The following KMO variants were observed in gnomAD, a reference collection of about 807,000 sequenced individuals.
KMO encodes kynurenine 3-monooxygenase, also known as kynurenine 3-hydroxylase.
A neutral mutation model predicts 57.8 loss-of-function variants in KMO; 24 were observed. The ratio of observed to expected loss-of-function variants is 0.42; its 90% CI spans 0.30 to 0.58. The LOEUF (loss-of-function observed/expected upper bound fraction) is 0.58. KMO is among the 20% of genes least tolerant of loss of function. KMO has a pLI of 0.22. For synonymous variants in KMO, 210 were observed against 193.6 expected (o/e 1.08, Z -0.70); for missense variants, 483 against 588.2 (o/e 0.82, Z 1.85).
Position 241,550,996 on chromosome 1 carries a change from C to T in KMO, c.264C>T (p.His88=). The T allele has an allele frequency of 8.3e-6, 13 of 1,563,976 alleles. No individual in the cohort carries two copies. Among genetic ancestry groups the T allele is most frequent in the Non-Finnish European group, 1.1e-5 (13 of 1,159,640 alleles). ...TTCCCATGAGAGCAAGAATGATCCACTCTCTTTCAGGAAAAAAGTCTGCAA... is the reference window on the plus strand; with the variant it reads ...TTCCCATGAGAGCAAGAATGATCCATTCTCTTTCAGGAAAAAAGTCTGCAA... ...QGIPMRARMI[H]SLSGKKSAIP... Residue 88 remains histidine, a synonymous_variant, in exon 4 of 15, where the codon CAC becomes CAT. Transcript: ENST00000366559.
intron 10 of KMO, among the ~76,000 whole-genome samples, chr1:241,584,303 C>T (rs1662878770): frequency 6.6e-6 from 1 of 152,150 alleles, no homozygotes; most frequent in Non-Finnish European, 1.5e-5. Flanking sequence ...AATGAGATAC[C>T]ATCTCACACC....
At chr1:241,534,964 G>A (rs1048140184) in intron 1 of KMO, among the ~76,000 whole-genome samples, 1 of 143,492 alleles carries the variant, frequency 7.0e-6, no homozygotes, top group Non-Finnish European at 1.5e-5. Context: ...TACACACTTT[G>A]GGTTTTTTTT....
chr1:241,569,599 A>C (rs535066625), intron 10 of KMO, among the ~76,000 whole-genome samples: 1 of 152,136 alleles, frequency 6.6e-6, no homozygotes, highest in African/African-American at 2.4e-5. Context: ...TGCTATTGTG[A>C]ATAGTGCTGC....
Position 241,568,608 on chromosome 1 carries a change from T to C in KMO, c.918T>C (p.Ala306=), listed in dbSNP as rs1662165093. Residue 306 remains alanine (A), a synonymous_variant, in exon 10 of 15, where the codon GCT becomes GCC. Transcript: ENST00000366559. The stretch of plus-strand genomic sequence containing the variant: ...ACTGTGTACTGCTGGGAGATGCAGC[T>C]CATGCTATAGTGCCGTTTTTTGGGC... ...KSHCVLLGDA[A]HAIVPFFGQG... is the part of the protein sequence containing the mutation. 2 of 1,613,854 alleles carry C rather than the reference T, an allele frequency of 1.2e-6. No individual in the cohort carries two copies. Among genetic ancestry groups the C allele is most frequent in the South Asian group, 2.2e-5 (2 of 91,080 alleles).
intron 7 of KMO, 34 bp from the exon 8 acceptor site, chr1:241,564,953 T>C: frequency 7.4e-7 from 1 of 1,359,500 alleles, no homozygotes; most frequent in Non-Finnish European, 1.1e-6. Flanking sequence ...GCTATATGAA[T>C]GCACTAATCA....
chr1:241,566,588 C>T lies in KMO; in HGVS notation c.785C>T (p.Pro262Leu), dbSNP rs531693759. ...GTAGATTTCTTCCAGAAATACTTTC[C>T]GGATGCCATCCCTCTAATTGGAGAG... ...DVVDFFQKYF[P>L]DAIPLIGEKL... Residue 262 changes from proline (P) to leucine (L), a missense_variant, in exon 9 of 15, where the codon CCG becomes CTG. Coordinates refer to ENST00000366559, the MANE Select transcript of KMO (RefSeq NM_003679.5). 646 of 1,613,490 alleles carry T rather than the reference C, an allele frequency of 4.0e-4. 9 individuals are homozygous for T. In the South Asian group the frequency reaches 6.7e-3, roughly 17 times the overall value.
chr1:241,548,503 T>C (rs1240077141), intron 1 of KMO, among the ~76,000 whole-genome samples: 1 of 151,920 alleles, frequency 6.6e-6, no homozygotes, highest in Non-Finnish European at 1.5e-5. Flanking sequence ...TATAAGGCTA[T>C]AAAGAATTGC....
chr1:241,547,566 A>G (rs1661195029), intron 1 of KMO, among the ~76,000 whole-genome samples: 1 of 151,648 alleles, frequency 6.6e-6, no homozygotes, highest in Non-Finnish European at 1.5e-5. Context: ...CCTGGGTGAC[A>G]GAGCGAGACT....
chr1:241,545,299 A>T (rs1661102977), intron 1 of KMO, among the ~76,000 whole-genome samples: 1 of 152,170 alleles, frequency 6.6e-6, no homozygotes, highest in South Asian at 2.1e-4. Flanking sequence ...TGTTGTTGTA[A>T]GCTCTTTGTA....
intron 9 of KMO, among the ~76,000 whole-genome samples, chr1:241,567,376 C>A (rs1412687463): frequency 1.3e-5 from 2 of 152,202 alleles, no homozygotes; most frequent in African/African-American, 4.8e-5. Context: ...TGTGTCTTCA[C>A]ATGCTGGAAG....
chr1:241,546,205 G>T (rs2147945415), intron 1 of KMO, among the ~76,000 whole-genome samples: 1 of 152,222 alleles, frequency 6.6e-6, no homozygotes, highest in South Asian at 2.1e-4. Flanking sequence ...AACATAAGGG[G>T]TTTATCAGAA....
intron 7 of KMO, among the ~76,000 whole-genome samples, chr1:241,564,569 A>G (rs77541589): frequency 0.033 from 4,957 of 151,848 alleles, 123 homozygotes; most frequent in South Asian, 0.067. Context: ...AAAAATATAT[A>G]TATAAATATA....
chr1:241,592,036 A>C lies in KMO; in HGVS notation c.1344A>C (p.Arg448=). 6.2e-7 allele frequency: 1 copy of C among 1,613,900 alleles called. No individual in the cohort carries two copies. ...TACTTATACACTACATGTCACCACG[A>C]TCTTTCCTCCGCTTGAGAAGACCAT... ...TYLLIHYMSP[R]SFLRLRRPWN... The change falls in exon 15 of 15, where the codon CGA becomes CGC. Residue 448 remains arginine, a synonymous_variant. Coordinates refer to ENST00000366559, the MANE Select transcript of KMO (RefSeq NM_003679.5).
At chr1:241,571,713 A>G (rs1292061197) in intron 10 of KMO, among the ~76,000 whole-genome samples, 2 of 151,976 alleles carry the variant, frequency 1.3e-5, no homozygotes, top group East Asian at 3.9e-4. Context: ...CTTTGCATCT[A>G]TGTTTATCAG....
intron 6 of KMO, 68 bp from the exon 7 acceptor site, chr1:241,562,099 C>A: frequency 1.5e-6 from 2 of 1,376,168 alleles, no homozygotes; most frequent in Non-Finnish European, 2.0e-6. Context: ...CTTCTCATAC[C>A]CAGAGGTACA....
chr1:241,579,240 T>C (rs1396738385), intron 10 of KMO, among the ~76,000 whole-genome samples: 2 of 152,102 alleles, frequency 1.3e-5, no homozygotes, highest in East Asian at 3.9e-4. Flanking sequence ...AGCACCAGGT[T>C]TGGTGGTAGC....
intron 10 of KMO, among the ~76,000 whole-genome samples, chr1:241,584,593 GA>G (rs1179203500): frequency 6.7e-6 from 1 of 148,178 alleles, no homozygotes; most frequent in Non-Finnish European, 1.5e-5. Flanking sequence ...AAAGAATTCA[GA>G]AAAGAAATAG....
intron 9 of KMO, among the ~76,000 whole-genome samples, chr1:241,567,028 G>A (rs527887125): frequency 7.0e-4 from 107 of 152,308 alleles, no homozygotes; most frequent in African/African-American, 2.4e-3. Flanking sequence ...CCACTCGTGG[G>A]AAAAGGTTGA....
chr1:241,592,167 T>G lies in KMO; in HGVS notation c.*14T>G. The stretch of plus-strand genomic sequence containing the variant: ...ATTAGCAGGTGATAGAAAGGTTTTG[T>G]GGTAGCAAATGCATGATTTCTCTGT... On this transcript the variant is annotated 3_prime_UTR_variant, in exon 15 of 15. Transcript: ENST00000366559. 1 of 1,596,736 alleles carries G rather than the reference T, an allele frequency of 6.3e-7. No individual in the cohort carries two copies. The highest frequency in any genetic ancestry group is 8.6e-7 in the Non-Finnish European group (1 of 1,165,854).
Sources: gnomAD v4.1 joint callset for allele counts (sites outside exome capture counted in the v4.1 genomes callset) on GRCh38, gnomAD v4.1.1 for gene constraint, MANE v1.5 for transcripts, NCBI Gene and HGNC (gene_info 2026-07-23, HGNC 2026-07-21) for gene names.